Variants in TRPC5 observed in about 807,000 individuals in gnomAD.
The protein encoded by TRPC5 is short transient receptor potential channel 5.
Under a neutral mutation model 56.5 loss-of-function variants are expected in TRPC5, and 9 were observed. The ratio of observed to expected loss-of-function variants is 0.16; its 90% CI spans 0.10 to 0.28. The LOEUF (loss-of-function observed/expected upper bound fraction) is 0.28, where lower values mean the gene tolerates loss of function less well. Ranked by LOEUF, TRPC5 falls within the 10% of genes least tolerant of loss-of-function variation. TRPC5 has a pLI of 1.00. For synonymous variants in TRPC5, 282 were observed against 278.5 expected (o/e 1.01, Z -0.13); for missense variants, 469 against 748.9 (o/e 0.63, Z 4.36).
chrX:112,080,391 TACATACAC>T (rs1218495408), intron 1 of TRPC5, among the ~76,000 whole-genome samples: 1,927 of 81,982 alleles, frequency 0.024, 47 homozygotes, highest in African/African-American at 0.089. Context: ...CTTGAAAAAC[TACATACAC>T]ACACACACAC....
At chrX:111,777,241 T>C (rs950069997) in intron 10 of TRPC5, among the ~76,000 whole-genome samples, 4 of 111,743 alleles carry the variant, frequency 3.6e-5, no homozygotes, top group African/African-American at 9.8e-5. Context: ...GCTAACACTT[T>C]AGCAGGGATT....
intron 1 of TRPC5, among the ~76,000 whole-genome samples, chrX:112,007,736 G>A (rs995816532): frequency 9.0e-6 from 1 of 111,455 alleles, no homozygotes; most frequent in African/African-American, 3.3e-5. Context: ...CCTTTAAATG[G>A]CTCCAAAGCA....
chrX:111,838,867 CT>C (rs925710391), intron 6 of TRPC5, among the ~76,000 whole-genome samples: 5 of 111,767 alleles, frequency 4.5e-5, no homozygotes, highest in African/African-American at 1.6e-4. Flanking sequence ...AGGAATTACC[CT>C]TTCAAAAAGT....
intron 1 of TRPC5, among the ~76,000 whole-genome samples, chrX:112,000,550 A>G (rs1245049915): frequency 9.0e-6 from 1 of 111,567 alleles, no homozygotes; most frequent in Non-Finnish European, 1.9e-5. Flanking sequence ...CATTTGAGCT[A>G]GGAGAGCCTG....
At position 112,057,470 on chromosome X, in the gene TRPC5, T is replaced by A. The variant is rs775794639; in HGVS notation, c.-22+24409A>T. Among the ~76,000 whole-genome samples, 19 of 111,788 alleles carry A rather than the reference T, an allele frequency of 1.7e-4. No individual in the cohort carries two copies. In the South Asian group the frequency reaches 7.2e-3, roughly 43 times the overall value. On this transcript the variant is annotated intron_variant, in intron 1 of 10. Transcript: ENST00000262839. Reference sequence around the variant, plus strand: ...ATTCCTGGAGACAGAAATATGAACCTCCCTTCAGGTAGTTCAAGCTTCATA... The same window carrying A: ...ATTCCTGGAGACAGAAATATGAACCACCCTTCAGGTAGTTCAAGCTTCATA...
At chrX:112,080,396 A>G (rs1235068639) in intron 1 of TRPC5, among the ~76,000 whole-genome samples, 2 of 32,677 alleles carry the variant, frequency 6.1e-5, no homozygotes, top group East Asian at 1.3e-3. Context: ...AAAACTACAT[A>G]CACACACACA....
chrX:111,802,080 C>T, intron 7 of TRPC5, among the ~76,000 whole-genome samples: 1 of 111,978 alleles, frequency 8.9e-6, no homozygotes, highest in East Asian at 2.8e-4. Context: ...CCTTACTTTA[C>T]TCTTTTGCAT....
chrX:111,853,655 TG>T, intron 4 of TRPC5, 114 bp downstream of exon 4: 1 of 640,787 alleles, frequency 1.6e-6, no homozygotes, highest in Non-Finnish European at 2.5e-6. Context: ...CCACACTGCA[TG>T]GGGGTGGGGT....
At chrX:112,033,333 T>A (rs1337121101) in intron 1 of TRPC5, among the ~76,000 whole-genome samples, 1 of 108,857 alleles carries the variant, frequency 9.2e-6, no homozygotes, top group African/African-American at 3.4e-5. Flanking sequence ...CAAACCTGCA[T>A]GTTGTGCACA....
intron 1 of TRPC5, among the ~76,000 whole-genome samples, chrX:112,075,055 C>T (rs186226648): frequency 2.8e-4 from 31 of 112,719 alleles, no homozygotes; most frequent in African/African-American, 9.7e-4. Context: ...AACAAATATA[C>T]ATTTTATATT....
chrX:111,796,674 G>A (rs1921105873), intron 7 of TRPC5, among the ~76,000 whole-genome samples: 1 of 111,767 alleles, frequency 8.9e-6, no homozygotes, highest in Admixed American at 9.5e-5. Flanking sequence ...TTGTGACACA[G>A]CTTCAACACT....
chrX:111,778,382 CTTG>C (rs1390326938), intron 10 of TRPC5, among the ~76,000 whole-genome samples: 6 of 111,282 alleles, frequency 5.4e-5, no homozygotes, highest in East Asian at 2.8e-4. Flanking sequence ...CTGGATAATT[CTTG>C]TTGTGGGAGA....
intron 7 of TRPC5, among the ~76,000 whole-genome samples, chrX:111,782,806 AACACACACAC>A (rs1186498788): frequency 2.9e-4 from 27 of 92,114 alleles, no homozygotes; most frequent in Non-Finnish European, 5.0e-4. Context: ...CATTATAATC[AACACACACAC>A]ACACACACAC....
intron 1 of TRPC5, among the ~76,000 whole-genome samples, chrX:112,030,724 TTAAG>T (rs1194509683): frequency 1.2e-4 from 13 of 112,196 alleles, no homozygotes; most frequent in African/African-American, 3.9e-4. Context: ...ATATAATTGT[TTAAG>T]TATCCTTTCT....
chrX:111,813,203 C>G (rs1921761713), intron 7 of TRPC5, among the ~76,000 whole-genome samples: 1 of 112,369 alleles, frequency 8.9e-6, no homozygotes, highest in African/African-American at 3.2e-5. Flanking sequence ...TGCCTTTTCT[C>G]CACTTTCCAC....
chrX:112,053,238 G>A (rs1266760490), intron 1 of TRPC5, among the ~76,000 whole-genome samples: 1 of 111,981 alleles, frequency 8.9e-6, no homozygotes, highest in Non-Finnish European at 1.9e-5. Context: ...ATCCTTAAAT[G>A]GTTCAAATTC....
At chrX:111,880,028 G>A (rs950364288) in intron 3 of TRPC5, among the ~76,000 whole-genome samples, 4 of 111,202 alleles carry the variant, frequency 3.6e-5, no homozygotes, top group Admixed American at 9.5e-5. Context: ...TGGTGGTGAT[G>A]TTAGGAAAAA....
chrX:111,879,663 T>C (rs183574843), intron 3 of TRPC5, among the ~76,000 whole-genome samples: 1 of 113,008 alleles, frequency 8.8e-6, no homozygotes, highest in African/African-American at 3.2e-5. Flanking sequence ...TGGCAATTTA[T>C]TGCAGTAAGC....
chrX:112,030,733 C>G (rs1167820661), intron 1 of TRPC5, among the ~76,000 whole-genome samples: 1 of 111,831 alleles, frequency 8.9e-6, no homozygotes, highest in Non-Finnish European at 1.9e-5. Flanking sequence ...TTTAAGTATC[C>G]TTTCTAATTG....
Sources: gnomAD v4.1 joint callset for allele counts (sites outside exome capture counted in the v4.1 genomes callset) on GRCh38, gnomAD v4.1.1 for gene constraint, MANE v1.5 for transcripts, NCBI Gene and HGNC (gene_info 2026-07-23, HGNC 2026-07-21) for gene names.